INPP5F: variants seen among roughly 807,000 people sequenced by gnomAD.
The protein encoded by INPP5F is inositol polyphosphate-5-phosphatase F, also known as phosphatidylinositide 4-phosphatase SAC2.
INPP5F carries 97 observed loss-of-function variants against 137.2 expected under a neutral mutation model. That is an observed-to-expected ratio of 0.71 (90% CI 0.60 to 0.84). The LOEUF (loss-of-function observed/expected upper bound fraction) is 0.84, where lower values mean the gene tolerates loss of function less well. Ranked by LOEUF, INPP5F falls within the 40% of genes least tolerant of loss-of-function variation. The pLI, the probability that INPP5F is intolerant of heterozygous loss-of-function variation, is 0.00. For missense variants in INPP5F, 1,271 were observed against 1,371.9 expected (o/e 0.93, Z 1.16); for synonymous variants, 504 against 476.9 (o/e 1.06, Z -0.74).
intron 1 of INPP5F, among the ~76,000 whole-genome samples, chr10:119,737,567 G>T (rs1397003506): frequency 6.6e-6 from 1 of 152,224 alleles, no homozygotes; most frequent in Admixed American, 6.5e-5. Flanking sequence ...TTAGATTTAA[G>T]ACTGGGAAAT....
intron 1 of INPP5F, among the ~76,000 whole-genome samples, chr10:119,742,419 G>A (rs558943096): frequency 5.3e-5 from 8 of 152,046 alleles, no homozygotes; most frequent in African/African-American, 1.9e-4. Context: ...GCCTCCCAAA[G>A]TGCTGGCATT....
chr10:119,727,098 C>T (rs1847917110), intron 1 of INPP5F, among the ~76,000 whole-genome samples: 1 of 152,200 alleles, frequency 6.6e-6, no homozygotes. Context: ...GTGGTTTAAA[C>T]AGAGCAGTCC....
intron 19 of INPP5F, among the ~76,000 whole-genome samples, chr10:119,824,823 C>CA (rs562502216): frequency 3.6e-4 from 55 of 152,316 alleles, no homozygotes; most frequent in African/African-American, 1.3e-3. Flanking sequence ...AAAGCCACTG[C>CA]ACCCAGCCTC....
At chr10:119,793,257 A>G (rs1409928621) in intron 6 of INPP5F, among the ~76,000 whole-genome samples, 3 of 152,210 alleles carry the variant, frequency 2.0e-5, no homozygotes, top group African/African-American at 2.4e-5. Context: ...AAATTTCTCT[A>G]TGCCTGTCAA....
chr10:119,749,040 G>A (rs1001821281), intron 1 of INPP5F, among the ~76,000 whole-genome samples: 1 of 152,230 alleles, frequency 6.6e-6, no homozygotes, highest in Non-Finnish European at 1.5e-5. Context: ...TGGTGTGACA[G>A]CAGTGTCCAA....
At chr10:119,755,095 C>T (rs951620217) in intron 2 of INPP5F, among the ~76,000 whole-genome samples, 24 of 152,182 alleles carry the variant, frequency 1.6e-4, no homozygotes, top group African/African-American at 4.8e-4. Flanking sequence ...CTTAAAGTGG[C>T]GTGGGTGAGC....
intron 2 of INPP5F, among the ~76,000 whole-genome samples, chr10:119,763,762 C>CT (rs138851931): frequency 0.01 from 1,589 of 152,342 alleles, 32 homozygotes; most frequent in African/African-American, 0.037. Context: ...ACAACTCTGT[C>CT]TTTAAGTCAT....
chr10:119,812,760 G>A (rs920582335), intron 15 of INPP5F, among the ~76,000 whole-genome samples: 2 of 152,160 alleles, frequency 1.3e-5, no homozygotes, highest in East Asian at 3.9e-4. Flanking sequence ...TGTTATGTAT[G>A]GATATAATAT....
At chr10:119,797,359 A>T (rs1410016366) in intron 7 of INPP5F, 102 bp from the exon 8 acceptor site, 1 of 940,694 alleles carries the variant, frequency 1.1e-6, no homozygotes, top group African/African-American at 1.7e-5. Flanking sequence ...CTGAATCCCC[A>T]AGGCTATCCT....
intron 3 of INPP5F, among the ~76,000 whole-genome samples, chr10:119,785,284 C>CTTTTTT (rs1440327192): frequency 7.4e-5 from 6 of 81,596 alleles, no homozygotes; most frequent in Non-Finnish European, 1.4e-4. Context: ...AACTGCCAGA[C>CTTTTTT]TGTTTTTTTT....
intron 2 of INPP5F, among the ~76,000 whole-genome samples, chr10:119,766,041 A>T (rs189678257): frequency 6.6e-6 from 1 of 152,152 alleles, no homozygotes; most frequent in African/African-American, 2.4e-5. Context: ...GTATAGTTCC[A>T]GTCCAAGCCC....
intron 3 of INPP5F, among the ~76,000 whole-genome samples, chr10:119,783,232 A>T (rs1314083995): frequency 6.6e-6 from 1 of 152,150 alleles, no homozygotes; most frequent in African/African-American, 2.4e-5. Flanking sequence ...TAGTTTCCTA[A>T]GCCAGTAAAT....
intron 1 of INPP5F, among the ~76,000 whole-genome samples, chr10:119,740,022 A>G (rs1354977801): frequency 7.6e-6 from 1 of 132,412 alleles, no homozygotes; most frequent in Non-Finnish European, 1.7e-5. Context: ...TCCATTTATT[A>G]TGCTTTTCTT....
chr10:119,803,832 T>G (rs1288287468), intron 9 of INPP5F, among the ~76,000 whole-genome samples: 2 of 150,032 alleles, frequency 1.3e-5, no homozygotes, highest in African/African-American at 2.4e-5. Context: ...ATTTAGGCTT[T>G]CTTTATTTCT....
At chr10:119,812,001 T>C (rs754353677) in intron 15 of INPP5F, 46 bp downstream of exon 15, 1 of 1,456,984 alleles carries the variant, frequency 6.9e-7, no homozygotes, top group South Asian at 1.1e-5. Context: ...TAACTGATGT[T>C]GGGAAGTTGT....
intron 2 of INPP5F, among the ~76,000 whole-genome samples, 163 bp from the exon 3 acceptor site, chr10:119,781,472 T>C (rs1050648205): frequency 5.3e-5 from 8 of 152,380 alleles, no homozygotes; most frequent in African/African-American, 1.9e-4. Flanking sequence ...TCTTTTCACA[T>C]GTTTAAGGGT....
At chr10:119,768,583 C>T in intron 2 of INPP5F, 1 of 152,202 alleles carries the variant, frequency 6.6e-6, no homozygotes, top group Middle Eastern at 3.2e-3. Context: ...TATGAATTCT[C>T]CTGTGCTAGC....
Position 119,827,659 on chromosome 10 carries a change from T to G in INPP5F, c.3278T>G (p.Ile1093Arg). ...SITQAGLTHGINFAVSKVQKS... is the reference protein window; with the variant it reads ...SITQAGLTHGRNFAVSKVQKS... ...ACCCAAGCTGGATTAACCCATGGGA[T>G]AAACTTTGCAGTGTCAAAAGTTCAG... Residue 1093 changes from isoleucine to arginine, a missense_variant, in exon 20 of 20, where the codon ATA becomes AGA. Ile to Arg is a moderately conservative substitution (Grantham distance 97). This residue lies in a region of INPP5F where 490 missense variants were observed against 443.7 expected (regional missense o/e 1.10). Coordinates refer to ENST00000650623, the MANE Select transcript of INPP5F (RefSeq NM_014937.4). 1 of 1,614,184 alleles carries G rather than the reference T, an allele frequency of 6.2e-7. No individual in the cohort carries two copies.
At chr10:119,771,843 G>GAT (rs1564819539) in intron 2 of INPP5F, among the ~76,000 whole-genome samples, 39 of 40,868 alleles carry the variant, frequency 9.5e-4, no homozygotes, top group Non-Finnish European at 1.5e-3. Context: ...ATAAAGTATG[G>GAT]AGATATATAT....
Sources: gnomAD v4.1 joint callset for allele counts (sites outside exome capture counted in the v4.1 genomes callset) on GRCh38, gnomAD v4.1.1 for gene constraint, gnomAD v4.1.1 regional missense constraint, MANE v1.5 for transcripts, NCBI Gene and HGNC (gene_info 2026-07-23, HGNC 2026-07-21) for gene names.